Variants in SLC22A3 observed in about 807,000 individuals in gnomAD.
SLC22A3 encodes the protein EMT organic cation transporter 3.
Under a neutral mutation model 59.1 loss-of-function variants are expected in SLC22A3, and 51 were observed. The ratio of observed to expected loss-of-function variants is 0.86; its 90% confidence interval spans 0.69 to 1.09. The LOEUF (loss-of-function observed/expected upper bound fraction) is 1.09, where lower values mean the gene tolerates loss of function less well. Ranked by LOEUF, SLC22A3 falls within the 50% of genes least tolerant of loss-of-function variation. The pLI is 0.00. For missense variants in SLC22A3, 711 were observed against 726.3 expected, an observed-to-expected ratio of 0.98 and a Z score of 0.24; for synonymous variants, 325 against 292.0, an observed-to-expected ratio of 1.11 and a Z score of -1.15.
chr6:160,363,447 G>A (rs1044166553), intron 1 of SLC22A3, among the ~76,000 whole-genome samples: 2 of 152,062 alleles, frequency 1.3e-5, no homozygotes, highest in Non-Finnish European at 2.9e-5. Flanking sequence ...CTGTTCACAA[G>A]AGCGGGGCCC....
chr6:160,394,181 G>A (rs1786379453), intron 1 of SLC22A3, among the ~76,000 whole-genome samples: 1 of 152,216 alleles, frequency 6.6e-6, no homozygotes, highest in Non-Finnish European at 1.5e-5. Flanking sequence ...TACATAGATT[G>A]CCTTAGGAGA....
chr6:160,362,942 G>A (rs1035442444), intron 1 of SLC22A3, among the ~76,000 whole-genome samples: 25 of 149,522 alleles, frequency 1.7e-4, no homozygotes, highest in Non-Finnish European at 4.4e-5. Flanking sequence ...CGGATACTTC[G>A]TTCCTGCCAG....
At chr6:160,401,317 A>T (rs1225954099) in intron 2 of SLC22A3, among the ~76,000 whole-genome samples, 1 of 152,046 alleles carries the variant, frequency 6.6e-6, no homozygotes, top group Non-Finnish European at 1.5e-5. Context: ...TGGGGGGATA[A>T]TGTCTTACTA....
Position 160,348,672 on chromosome 6 carries a change from G to T in SLC22A3, c.253G>T (p.Glu85Ter), listed in dbSNP as rs1037194181. The T allele has an allele frequency of 3.3e-6, 5 of 1,506,592 alleles. No homozygotes were observed. The highest frequency in any genetic ancestry group is 4.4e-6 in the Non-Finnish European group (5 of 1,135,742). 93.3% of individuals were successfully genotyped at this position (1,506,592 alleles called of 1,614,324 possible). Reference sequence around the variant, plus strand: ...CGCCTCCCGCGGCCCAGAGCCCCCCGAGCGCCGCGGCCGCTGCCAGCGCTA... The same window carrying T: ...CGCCTCCCGCGGCCCAGAGCCCCCCTAGCGCCGCGGCCGCTGCCAGCGCTA... ...APASRGPEPP[E>*]RRGRCQRYLL... is the part of the protein sequence containing the mutation. The change falls in exon 1 of 11, where the codon GAG becomes TAG. Residue 85 changes from glutamate to a stop codon, truncating the protein, a stop_gained. Coordinates refer to ENST00000275300, the MANE Select transcript of SLC22A3 (RefSeq NM_021977.4). LOFTEE classifies it high-confidence loss of function.
Position 160,386,164 on chromosome 6 carries a change from T to A in SLC22A3, c.430-11815T>A, listed in dbSNP as rs533389294. 1.3e-5 allele frequency among the ~76,000 whole-genome samples: 2 copies of A among 152,340 alleles called. 1 individual carries two copies. The highest frequency in any genetic ancestry group is 4.1e-4 in the South Asian group (2 of 4,830). ...GTGCACCTGTGCACATGAAGGAGCC[T>A]CTTGGGGTCTTGCTGCCTTTGGGGC... On this transcript the variant is annotated intron_variant, in intron 1 of 10. Coordinates refer to ENST00000275300, the MANE Select transcript of SLC22A3 (RefSeq NM_021977.4).
At chr6:160,431,870 C>G (rs1483054785) in intron 5 of SLC22A3, among the ~76,000 whole-genome samples, 1 of 152,206 alleles carries the variant, frequency 6.6e-6, no homozygotes, top group Non-Finnish European at 1.5e-5. Flanking sequence ...AGGACATTCA[C>G]TGGCTCGTGT....
chr6:160,351,456 T>C (rs1374745172), intron 1 of SLC22A3, among the ~76,000 whole-genome samples: 1 of 152,188 alleles, frequency 6.6e-6, no homozygotes, highest in Non-Finnish European at 1.5e-5. Flanking sequence ...TTTTGGTTTG[T>C]TTTTCATGTT....
At position 160,447,773 on chromosome 6, in the gene SLC22A3, G is replaced by C. The variant is rs779353737; in HGVS notation, c.1565G>C (p.Gly522Ala). 15 of 1,613,964 alleles carry C rather than the reference G, an allele frequency of 9.3e-6. No homozygotes were observed. Among genetic ancestry groups the C allele is most frequent in the Non-Finnish European group, 1.3e-5 (15 of 1,180,002 alleles). The part of the protein sequence containing the change: ...GLVMLLPETK[G>A]IALPETVDDV... Reference sequence around the variant, plus strand: ...GTGATGCTTTTGCCTGAAACCAAGGGTATTGCCTTGCCAGAGACAGTGGAT... The same window carrying C: ...GTGATGCTTTTGCCTGAAACCAAGGCTATTGCCTTGCCAGAGACAGTGGAT... Residue 522 changes from glycine to alanine, a missense_variant, in exon 10 of 11, where the codon GGT (glycine) becomes GCT (alanine). Gly to Ala is a moderately conservative substitution (Grantham distance 60, BLOSUM62 0). Transcript: ENST00000275300.
chr6:160,452,138 C>T lies in SLC22A3; in HGVS notation c.*1082C>T. The T allele has an allele frequency of 6.6e-6, 1 of 152,102 alleles. No individual in the cohort carries two copies. The highest frequency in any genetic ancestry group is 1.5e-5 in the Non-Finnish European group (1 of 68,032). 9.4% of individuals were successfully genotyped at this position (152,102 alleles called of 1,614,324 possible). On this transcript the variant is annotated 3_prime_UTR_variant, in exon 11 of 11. Coordinates refer to ENST00000275300, the MANE Select transcript of SLC22A3 (RefSeq NM_021977.4). ...GATCTTTCTTTTTTTGTTATCGAGG[C>T]TTTTGAAATGTGGAACTTGTGTGTT...
intron 3 of SLC22A3, among the ~76,000 whole-genome samples, chr6:160,408,290 T>C (rs1255799598): frequency 6.6e-6 from 1 of 152,198 alleles, no homozygotes; most frequent in African/African-American, 2.4e-5. Context: ...TGTCTTGTGA[T>C]AACGAAAAGT....
chr6:160,398,082 G>A lies in SLC22A3; in HGVS notation c.533G>A (p.Arg178Lys). 6.2e-7 allele frequency: 1 copy of A among 1,610,492 alleles called. No homozygotes were observed. Among genetic ancestry groups the A allele is most frequent in the Non-Finnish European group, 8.5e-7 (1 of 1,176,812 alleles). ...TTCACCTTAGGCTATGCAGCAGACA[G>A]GTAGGTACCAATGTGACAGCCATTT... is the stretch of plus-strand genomic sequence containing the variant. ...GAFTLGYAAD[R>K]YGRIVIYLLS... The change falls in exon 2 of 11, where the codon AGG becomes AAG. Residue 178 changes from arginine to lysine, a missense_variant and splice_region_variant. Transcript: ENST00000275300.
intron 5 of SLC22A3, among the ~76,000 whole-genome samples, chr6:160,430,183 GGT>G (rs1406866434): frequency 6.6e-6 from 1 of 151,082 alleles, no homozygotes; most frequent in Non-Finnish European, 1.5e-5. Flanking sequence ...ACACTAATAA[GGT>G]GTGATTTGAT....
At chr6:160,365,735 C>T (rs1785181415) in intron 1 of SLC22A3, among the ~76,000 whole-genome samples, 1 of 152,144 alleles carries the variant, frequency 6.6e-6, no homozygotes, top group Admixed American at 6.5e-5. Context: ...TGTTCTCATG[C>T]TGCTAATAAA....
chr6:160,412,305 A>G (rs150240774), intron 5 of SLC22A3, among the ~76,000 whole-genome samples: 6,401 of 152,176 alleles, frequency 0.042, 402 homozygotes, highest in African/African-American at 0.14. Context: ...AGAGGTTGCA[A>G]TGAGACAAGA....
chr6:160,451,117 T>C lies in SLC22A3; in HGVS notation c.*61T>C. 6.7e-7 allele frequency: 1 copy of C among 1,483,998 alleles called. No homozygotes were observed. The highest frequency in any genetic ancestry group is 9.3e-7 in the Non-Finnish European group (1 of 1,078,908). 91.9% of individuals were successfully genotyped at this position (1,483,998 alleles called of 1,614,324 possible). ...GGAGCTGATCCTCCTTGCAAAGCTG[T>C]GCCTTGCAGAGATGCACGTGTGCAT... is the stretch of plus-strand genomic sequence containing the variant. On this transcript the variant is annotated 3_prime_UTR_variant, in exon 11 of 11. Transcript: ENST00000275300.
At chr6:160,405,977 C>T (rs1786998617) in intron 2 of SLC22A3, among the ~76,000 whole-genome samples, 1 of 152,066 alleles carries the variant, frequency 6.6e-6, no homozygotes, top group Non-Finnish European at 1.5e-5. Flanking sequence ...AGAAACTATT[C>T]TGTTAGATAC....
chr6:160,375,190 A>C lies in SLC22A3; in HGVS notation c.430-22789A>C, dbSNP rs554570206. Among the ~76,000 whole-genome samples, 9 of 152,300 alleles carry C rather than the reference A, an allele frequency of 5.9e-5. No individual in the cohort carries two copies. The South Asian group carries it at 1.2e-3, about 21-fold the overall frequency. ...GAAATGGAAGGAATCAGGCTCATGA[A>C]AAGCCAGATTTCACCTCCATGCACA... is the stretch of plus-strand genomic sequence containing the variant. On this transcript the variant is annotated intron_variant, in intron 1 of 10. Coordinates refer to ENST00000275300, the MANE Select transcript of SLC22A3 (RefSeq NM_021977.4).
At chr6:160,446,481 C>T (rs1483349015) in intron 9 of SLC22A3, among the ~76,000 whole-genome samples, 3 of 152,158 alleles carry the variant, frequency 2.0e-5, no homozygotes, top group African/African-American at 7.2e-5. Context: ...GCAGGCACGT[C>T]CTACATGGTG....
At chr6:160,378,748 T>TA (rs1361492660) in intron 1 of SLC22A3, among the ~76,000 whole-genome samples, 1 of 152,212 alleles carries the variant, frequency 6.6e-6, no homozygotes, top group African/African-American at 2.4e-5. Flanking sequence ...TCAGAATGCT[T>TA]ACACTAGCCT....
Sources: gnomAD v4.1 joint callset for allele counts (sites outside exome capture counted in the v4.1 genomes callset) on GRCh38, gnomAD v4.1.1 for gene constraint, MANE v1.5 for transcripts, NCBI Gene and HGNC (gene_info 2026-07-23, HGNC 2026-07-21) for gene names.